Variants in CTCF observed in about 807,000 individuals in gnomAD.
CTCF encodes the protein transcriptional repressor CTCF.
A neutral mutation model predicts 72.3 loss-of-function variants in CTCF; 7 were observed. The ratio of observed to expected loss-of-function variants is 0.10; its 90% confidence interval spans 0.06 to 0.18. CTCF has a LOEUF of 0.18. Ranked by LOEUF, CTCF falls within the 10% of genes least tolerant of loss-of-function variation. The pLI is 1.00. For missense variants in CTCF, 516 were observed against 949.1 expected (o/e 0.54, Z 6.00); for synonymous variants, 374 against 315.8 (o/e 1.18, Z -1.95).
intron 2 of CTCF, among the ~76,000 whole-genome samples, chr16:67,582,823 T>C (rs183624334): frequency 1.8e-4 from 27 of 152,206 alleles, no homozygotes; most frequent in African/African-American, 5.8e-4. Context: ...TTCTAAGTGG[T>C]AGATATTTGC....
intron 2 of CTCF, among the ~76,000 whole-genome samples, chr16:67,598,125 A>C (rs1047039340): frequency 6.6e-6 from 1 of 151,930 alleles, no homozygotes; most frequent in African/African-American, 2.4e-5. Context: ...ACAGGCATAC[A>C]CCATCACACC....
intron 7 of CTCF, among the ~76,000 whole-genome samples, chr16:67,621,924 A>C (rs530886316): frequency 6.6e-6 from 1 of 152,228 alleles, no homozygotes; most frequent in East Asian, 1.9e-4. Context: ...GTGTGATTCA[A>C]ACTCAGGTCA....
At chr16:67,573,415 G>C (rs1344071865) in intron 2 of CTCF, among the ~76,000 whole-genome samples, 1 of 152,062 alleles carries the variant, frequency 6.6e-6, no homozygotes, top group Non-Finnish European at 1.5e-5. Flanking sequence ...CTGGGTGACA[G>C]AGCAAGACCG....
rs1200571391 is a variant in CTCF at position 67,613,067 on chromosome 16, T to C, written c.952+946T>C. Among the ~76,000 whole-genome samples, 3 of 152,376 alleles carry C rather than the reference T, an allele frequency of 2.0e-5. No homozygotes were observed. In the East Asian group the frequency reaches 5.8e-4, roughly 29 times the overall value. ...ATTTATTTGAGCATCCTACTTACTTTAGTGTTCAGATATTCTGATATTAGC... is the reference window on the plus strand; with the variant it reads ...ATTTATTTGAGCATCCTACTTACTTCAGTGTTCAGATATTCTGATATTAGC... On this transcript the variant is annotated intron_variant, in intron 4 of 11. Coordinates refer to ENST00000264010, the MANE Select transcript of CTCF (RefSeq NM_006565.4).
intron 2 of CTCF, among the ~76,000 whole-genome samples, chr16:67,584,337 CTTTTTTTTTTT>C (rs904086024): frequency 9.4e-6 from 1 of 105,860 alleles, no homozygotes; most frequent in South Asian, 3.3e-4. Context: ...AAAAAGTCTT[CTTTTTTTTTTT>C]TTTTTTTTTT....
At chr16:67,563,064 A>C (rs906068514) in intron 1 of CTCF, among the ~76,000 whole-genome samples, 2 of 150,172 alleles carry the variant, frequency 1.3e-5, no homozygotes, top group African/African-American at 4.9e-5. Context: ...TGGCCGGCCG[A>C]TCGCCCGGCC....
At chr16:67,628,649 A>T (rs1055380873) in intron 9 of CTCF, 97 bp downstream of exon 9, 1 of 1,195,950 alleles carries the variant, frequency 8.4e-7, no homozygotes, top group African/African-American at 1.5e-5. Flanking sequence ...CTGAGGTTAT[A>T]AACAGAGATG....
At chr16:67,599,620 A>G (rs1050576336) in intron 2 of CTCF, among the ~76,000 whole-genome samples, 4 of 152,154 alleles carry the variant, frequency 2.6e-5, no homozygotes, top group African/African-American at 4.8e-5. Context: ...CCTGTTCATC[A>G]TCTACACAGA....
rs1442040020 is a variant in CTCF at position 67,611,275 on chromosome 16, C to G, written c.443C>G (p.Ala148Gly). The G allele has an allele frequency of 3.1e-6, 5 of 1,614,046 alleles. No individual in the cohort carries two copies. Among genetic ancestry groups the G allele is most frequent in the Non-Finnish European group, 4.2e-6 (5 of 1,179,986 alleles). ...YENEVSKEGL[A>G]ESEPMICHTL... is the part of the protein sequence containing the mutation. ...AATGAAGTGTCTAAAGAGGGCCTTG[C>G]GGAAAGTGAACCCATGATATGCCAC... The change falls in exon 3 of 12, where the codon GCG (alanine) becomes GGG (glycine). Residue 148 changes from alanine (A) to glycine (G), a missense_variant. Coordinates refer to ENST00000264010, the MANE Select transcript of CTCF (RefSeq NM_006565.4).
intron 2 of CTCF, among the ~76,000 whole-genome samples, chr16:67,588,597 G>A (rs2051698668): frequency 6.6e-6 from 1 of 152,150 alleles, no homozygotes; most frequent in African/African-American, 2.4e-5. Context: ...TGGCACCAAT[G>A]TTGACTCACA....
In CTCF at chr16:67,629,464, G is replaced by C. The variant is rs587780324; in HGVS notation, c.1768G>C (p.Glu590Gln). The C allele has an allele frequency of 1.2e-6, 2 of 1,613,254 alleles. No homozygotes were observed. Among genetic ancestry groups the C allele is most frequent in the Non-Finnish European group, 8.5e-7 (1 of 1,179,680 alleles). The change falls in exon 10 of 12, where the codon GAA (glutamate) becomes CAA (glutamine). Residue 590 changes from glutamate to glutamine, a missense_variant. Physicochemically the swap from Glu to Gln is conservative, Grantham distance 29 (BLOSUM62 2). Transcript: ENST00000264010. ...PDGVEGENGG[E>Q]TKKSKRGRKR... Reference sequence around the variant, plus strand: ...TGGCGTAGAGGGGGAAAATGGAGGAGAAACGAAGAAGAGTAAACGTGGAAG... The same window carrying C: ...TGGCGTAGAGGGGGAAAATGGAGGACAAACGAAGAAGAGTAAACGTGGAAG...
chr16:67,569,126 A>G (rs1205703411), intron 1 of CTCF, among the ~76,000 whole-genome samples: 1 of 152,032 alleles, frequency 6.6e-6, no homozygotes, highest in Non-Finnish European at 1.5e-5. Flanking sequence ...GGCGTGAACC[A>G]CTGTGCCTGG....
intron 2 of CTCF, among the ~76,000 whole-genome samples, chr16:67,602,858 A>AG (rs1452923840): frequency 1.2e-4 from 18 of 151,396 alleles, no homozygotes; most frequent in South Asian, 4.2e-4. Context: ...AAAAAAAAAA[A>AG]AAAGAGAAGA....
chr16:67,589,423 C>T (rs969544691), intron 2 of CTCF, among the ~76,000 whole-genome samples: 2 of 151,946 alleles, frequency 1.3e-5, no homozygotes, highest in African/African-American at 4.8e-5. Flanking sequence ...TGTTATATAC[C>T]GTTCACCTGT....
chr16:67,597,340 GC>G (rs1182961204), intron 2 of CTCF, among the ~76,000 whole-genome samples: 2 of 151,460 alleles, frequency 1.3e-5, no homozygotes, highest in Non-Finnish European at 2.9e-5. Flanking sequence ...GGCCACTAAT[GC>G]TTTTTTTTTT....
intron 2 of CTCF, among the ~76,000 whole-genome samples, chr16:67,605,112 A>G (rs1371762073): frequency 1.3e-5 from 2 of 151,446 alleles, no homozygotes; most frequent in South Asian, 2.1e-4. Context: ...AGCTGGGACT[A>G]CAGGCACCCG....
chr16:67,598,393 A>G (rs1400879180), intron 2 of CTCF, among the ~76,000 whole-genome samples: 2 of 152,212 alleles, frequency 1.3e-5, no homozygotes, highest in East Asian at 1.9e-4. Context: ...AATAGATTGT[A>G]TATACACTTT....
At chr16:67,620,196 C>A (rs545519185) in intron 5 of CTCF, among the ~76,000 whole-genome samples, 1 of 151,686 alleles carries the variant, frequency 6.6e-6, no homozygotes, top group East Asian at 1.9e-4. Flanking sequence ...TAAACAGTTA[C>A]TAGTAATGCG....
At chr16:67,564,717 A>C (rs868183481) in intron 1 of CTCF, among the ~76,000 whole-genome samples, 12 of 152,216 alleles carry the variant, frequency 7.9e-5, no homozygotes, top group Non-Finnish European at 1.5e-4. Flanking sequence ...AAAAATTAAA[A>C]TACAGCAGGT....
Sources: gnomAD v4.1 joint callset for allele counts (sites outside exome capture counted in the v4.1 genomes callset) on GRCh38, gnomAD v4.1.1 for gene constraint, MANE v1.5 for transcripts, NCBI Gene and HGNC (gene_info 2026-07-23, HGNC 2026-07-21) for gene names.